SPAG16: variants seen among roughly 807,000 people sequenced by gnomAD.
SPAG16 encodes the protein sperm associated antigen 16, also known as sperm-associated antigen 16 protein.
A neutral mutation model predicts 80.4 loss-of-function variants in SPAG16; 86 were observed. The observed-to-expected ratio is 1.07, with a 90% confidence interval of 0.90 to 1.28. The LOEUF (loss-of-function observed/expected upper bound fraction) is 1.28, where lower values mean the gene tolerates loss of function less well. Ranked by LOEUF, SPAG16 falls within the 50% of genes most tolerant of loss-of-function variation. SPAG16 has a pLI of 0.00. For missense variants in SPAG16, 870 were observed against 765.3 expected (o/e 1.14, Z -1.61); for synonymous variants, 294 against 265.9 (o/e 1.11, Z -1.03).
chr2:213,940,799 A>G (rs912590908), intron 12 of SPAG16, among the ~76,000 whole-genome samples: 1 of 152,196 alleles, frequency 6.6e-6, no homozygotes, highest in Non-Finnish European at 1.5e-5. Flanking sequence ...ATTTTAGTTA[A>G]CAAACACACA....
intron 8 of SPAG16, among the ~76,000 whole-genome samples, chr2:213,374,309 A>G (rs1258704123): frequency 6.6e-6 from 1 of 152,094 alleles, no homozygotes; most frequent in East Asian, 1.9e-4. Context: ...CTCTATTATA[A>G]ATCTGGTGTT....
intron 10 of SPAG16, among the ~76,000 whole-genome samples, chr2:213,848,837 G>C (rs1427938480): frequency 6.6e-6 from 1 of 151,828 alleles, no homozygotes; most frequent in Non-Finnish European, 1.5e-5. Context: ...TATTCCTCTT[G>C]TTCACAACAG....
chr2:213,522,585 T>A (rs887134990), intron 10 of SPAG16, among the ~76,000 whole-genome samples: 1 of 152,136 alleles, frequency 6.6e-6, no homozygotes, highest in African/African-American at 2.4e-5. Flanking sequence ...AAGTTGGCTC[T>A]CTGTGGCTGA....
chr2:214,240,521 C>A (rs1268962833), intron 15 of SPAG16: 1 of 152,076 alleles, frequency 6.6e-6, no homozygotes. Flanking sequence ...TATACACAGC[C>A]ACCAAAATAA....
At chr2:213,887,940 G>A (rs373110110) in intron 11 of SPAG16, among the ~76,000 whole-genome samples, 3 of 151,602 alleles carry the variant, frequency 2.0e-5, no homozygotes, top group Non-Finnish European at 4.4e-5. Context: ...GTACTTTTCT[G>A]TTCTGATTTA....
rs567272654 is a variant in SPAG16, at chr2:213,385,172, C to T, written c.942+10053C>T. On this transcript the variant is annotated intron_variant, in intron 9 of 15. Coordinates refer to ENST00000331683, the MANE Select transcript of SPAG16 (RefSeq NM_024532.5). ...CATGGTTATCTCATGGGATTTTTGG[C>T]CTTTTATGGTGTATCCACTCTCACA... Among the ~76,000 whole-genome samples, 879 of 152,194 alleles carry T rather than the reference C, an allele frequency of 5.8e-3. 6 individuals carry two copies. Among genetic ancestry groups the T allele is most frequent in the Non-Finnish European group, 8.0e-3 (544 of 67,986 alleles).
At chr2:214,138,991 G>C (rs779002574) in intron 14 of SPAG16, among the ~76,000 whole-genome samples, 23 of 152,080 alleles carry the variant, frequency 1.5e-4, no homozygotes, top group Non-Finnish European at 3.4e-4. Flanking sequence ...AAGCTAAGTG[G>C]ATCTACTCCA....
In SPAG16 at chr2:213,394,248, T is replaced by C. The variant is rs187048713; in HGVS notation, c.942+19129T>C. On this transcript the variant is annotated intron_variant, in intron 9 of 15. Coordinates refer to ENST00000331683, the MANE Select transcript of SPAG16 (RefSeq NM_024532.5). ...CAGACATAAAAACAGATATTATCTTTCATAAACCCAATATAATTATCTAAA... is the reference window on the plus strand; with the variant it reads ...CAGACATAAAAACAGATATTATCTTCCATAAACCCAATATAATTATCTAAA... 1.1e-3 allele frequency among the ~76,000 whole-genome samples: 172 copies of C among 152,250 alleles called. 1 individual carries two copies. Among genetic ancestry groups the C allele is most frequent in the Non-Finnish European group, 5.3e-4 (36 of 67,988 alleles).
chr2:213,322,334 C>CAAA lies in SPAG16; in HGVS notation c.536+4998_536+5000dup, dbSNP rs755345457. On this transcript the variant is annotated intron_variant, in intron 5 of 15. Transcript: ENST00000331683. ...TCTTCTTTCCATAGTGTAGACAATG[C>CAAA]AAAAAAAAAAAAAAAAAAAAAACAA... Among the ~76,000 whole-genome samples the CAAA allele has an allele frequency of 2.8e-3, 66 of 23,662 alleles. 3 individuals are homozygous for CAAA. Among genetic ancestry groups the CAAA allele is most frequent in the Non-Finnish European group, 3.9e-3 (45 of 11,460 alleles). 15.5% of individuals were successfully genotyped at this position (23,662 alleles called of 152,430 possible). A position where few individuals can be genotyped will look rare whatever the true frequency, so the allele number is the denominator to read the frequency against.
At chr2:213,413,116 G>T (rs1333568678) in intron 9 of SPAG16, among the ~76,000 whole-genome samples, 2 of 151,946 alleles carry the variant, frequency 1.3e-5, no homozygotes, top group Non-Finnish European at 2.9e-5. Context: ...CTATAAATGA[G>T]ACTATAAATG....
At chr2:213,338,713 C>T (rs140331569) in intron 5 of SPAG16, among the ~76,000 whole-genome samples, 11 of 152,194 alleles carry the variant, frequency 7.2e-5, no homozygotes, top group East Asian at 1.9e-4. Context: ...TCCTTTGTAG[C>T]GACATGGATG....
chr2:214,324,756 G>T (rs1280926310), intron 15 of SPAG16, among the ~76,000 whole-genome samples: 1 of 151,228 alleles, frequency 6.6e-6, no homozygotes, highest in African/African-American at 2.4e-5. Flanking sequence ...CTAACTCCAT[G>T]TTTCTCTTTA....
At chr2:213,434,444 G>A (rs777708772) in intron 9 of SPAG16, among the ~76,000 whole-genome samples, 1 of 152,098 alleles carries the variant, frequency 6.6e-6, no homozygotes, top group African/African-American at 2.4e-5. Flanking sequence ...AATAGCACAA[G>A]TAATAAAAAC....
At chr2:213,788,778 C>T (rs976086693) in intron 10 of SPAG16, among the ~76,000 whole-genome samples, 1 of 151,896 alleles carries the variant, frequency 6.6e-6, no homozygotes, top group Non-Finnish European at 1.5e-5. Context: ...AATAAGACAA[C>T]ATCTAAACCC....
chr2:213,831,219 T>C (rs1464668366), intron 10 of SPAG16, among the ~76,000 whole-genome samples: 5 of 151,814 alleles, frequency 3.3e-5, no homozygotes, highest in Admixed American at 1.3e-4. Context: ...TTTGTATTTT[T>C]AGTAGAGACG....
At chr2:214,009,218 C>T (rs1267812080) in intron 12 of SPAG16, among the ~76,000 whole-genome samples, 4 of 152,184 alleles carry the variant, frequency 2.6e-5, no homozygotes, top group East Asian at 3.9e-4. Flanking sequence ...GCTCAGCTCC[C>T]TTTTGTCAGC....
At chr2:214,258,698 A>T (rs2125865954) in intron 15 of SPAG16, among the ~76,000 whole-genome samples, 1 of 151,906 alleles carries the variant, frequency 6.6e-6, no homozygotes, top group Admixed American at 6.6e-5. Context: ...CTCCTGAGAC[A>T]CTGTTTATTA....
At chr2:214,399,331 C>T (rs1404239399) in intron 15 of SPAG16, among the ~76,000 whole-genome samples, 1 of 151,942 alleles carries the variant, frequency 6.6e-6, no homozygotes, top group Non-Finnish European at 1.5e-5. Flanking sequence ...CTTTTTTTTA[C>T]TATAACTATT....
At chr2:214,112,968 C>A (rs79352227) in intron 14 of SPAG16, among the ~76,000 whole-genome samples, 2,867 of 152,106 alleles carry the variant, frequency 0.019, 92 homozygotes, top group African/African-American at 0.066. Context: ...ACTGGTTGTT[C>A]CTTTCTATGT....
Sources: allele counts gnomAD v4.1 joint callset (sites outside exome capture counted in the v4.1 genomes callset), GRCh38; gene constraint gnomAD v4.1.1; transcripts MANE v1.5; gene names NCBI Gene and HGNC (gene_info 2026-07-23, HGNC 2026-07-21).